Variants in NAALADL2 observed in about 807,000 individuals in gnomAD.
The protein encoded by NAALADL2 is inactive N-acetylated-alpha-linked acidic dipeptidase-like protein 2.
NAALADL2 carries 76 observed loss-of-function variants against 87.2 expected under a neutral mutation model. The ratio of observed to expected loss-of-function variants is 0.87; its 90% CI spans 0.72 to 1.05. The LOEUF (loss-of-function observed/expected upper bound fraction) is 1.05. NAALADL2 is among the 50% of genes least tolerant of loss of function. The pLI, the probability that NAALADL2 is intolerant of heterozygous loss-of-function variation, is 0.00. For synonymous variants in NAALADL2, 354 were observed against 331.0 expected, an observed-to-expected ratio of 1.07 and a Z score of -0.75; for missense variants, 1,089 against 945.8, an observed-to-expected ratio of 1.15 and a Z score of -1.99.
chr3:174,633,579 A>G (rs1251493469), intron 2 of NAALADL2, among the ~76,000 whole-genome samples: 2 of 152,204 alleles, frequency 1.3e-5, no homozygotes, highest in Non-Finnish European at 2.9e-5. Flanking sequence ...TTGTGCTTAA[A>G]CTGTCACTCT....
chr3:174,614,767 T>C (rs1578324062), intron 2 of NAALADL2, among the ~76,000 whole-genome samples: 1 of 152,204 alleles, frequency 6.6e-6, no homozygotes, highest in Non-Finnish European at 1.5e-5. Flanking sequence ...GGTGAAGCCT[T>C]CCATTTTGCC....
chr3:175,568,016 C>G (rs971747578), intron 9 of NAALADL2, among the ~76,000 whole-genome samples: 3 of 151,804 alleles, frequency 2.0e-5, no homozygotes, highest in African/African-American at 7.2e-5. Flanking sequence ...GCGCCCGGCC[C>G]CAAAAATTTC....
At chr3:175,767,812 C>A (rs1391425786) in intron 13 of NAALADL2, among the ~76,000 whole-genome samples, 1 of 152,138 alleles carries the variant, frequency 6.6e-6, no homozygotes, top group East Asian at 1.9e-4. Context: ...AGGCAGGCAA[C>A]TTCCAGCAGC....
chr3:175,391,076 A>G (rs760265201), intron 5 of NAALADL2, among the ~76,000 whole-genome samples: 26 of 152,224 alleles, frequency 1.7e-4, no homozygotes, highest in Non-Finnish European at 2.9e-4. Context: ...TAGTAGAGTC[A>G]TAAGGATTAT....
chr3:175,049,687 G>A (rs1276207028), intron 1 of NAALADL2, among the ~76,000 whole-genome samples: 2 of 152,110 alleles, frequency 1.3e-5, no homozygotes, highest in African/African-American at 4.8e-5. Flanking sequence ...TAAAAAAGGG[G>A]ATTGATCCCT....
intron 2 of NAALADL2, among the ~76,000 whole-genome samples, chr3:175,167,498 C>T (rs1234954598): frequency 4.6e-5 from 7 of 152,116 alleles, no homozygotes; most frequent in Admixed American, 2.0e-4. Context: ...GTTTCTTAAG[C>T]GTGTGCAGGA....
In NAALADL2 at chr3:175,055,265, C is replaced by T. The variant is rs1559966695; in HGVS notation, c.44-41525C>T. Among the ~76,000 whole-genome samples the T allele has an allele frequency of 2.0e-5, 3 of 152,200 alleles. No individual in the cohort carries two copies. The South Asian group carries it at 6.2e-4, about 31-fold the overall frequency. On this transcript the variant is annotated intron_variant, in intron 1 of 13. Coordinates refer to ENST00000454872, the MANE Select transcript of NAALADL2 (RefSeq NM_207015.3). Reference sequence around the variant, plus strand: ...ATCAGGAGCTGTGCTATACGCTCTCCTGGCCCTGCTTTCCAGGGAACAGAA... The same window carrying T: ...ATCAGGAGCTGTGCTATACGCTCTCTTGGCCCTGCTTTCCAGGGAACAGAA...
intron 11 of NAALADL2, among the ~76,000 whole-genome samples, chr3:175,630,891 G>A (rs1199934033): frequency 6.6e-6 from 1 of 151,398 alleles, no homozygotes; most frequent in Non-Finnish European, 1.5e-5. Flanking sequence ...TTATGAAGCA[G>A]AATTATTACT....
At chr3:174,515,799 C>A (rs1270328323) in intron 1 of NAALADL2, among the ~76,000 whole-genome samples, 2 of 151,758 alleles carry the variant, frequency 1.3e-5, no homozygotes, top group African/African-American at 2.4e-5. Context: ...TCAAGGTTAT[C>A]TCAGGCCAGT....
At chr3:174,483,291 C>A (rs993535537) in intron 1 of NAALADL2, among the ~76,000 whole-genome samples, 1 of 152,038 alleles carries the variant, frequency 6.6e-6, no homozygotes, top group Non-Finnish European at 1.5e-5. Flanking sequence ...AGGAAACTTA[C>A]AATCATGGTG....
intron 12 of NAALADL2, among the ~76,000 whole-genome samples, chr3:175,753,812 A>G (rs538139392): frequency 6.6e-6 from 1 of 152,228 alleles, no homozygotes; most frequent in South Asian, 2.1e-4. Context: ...TTTGCCCAGG[A>G]CTTCTCATAG....
At chr3:175,049,557 T>C (rs1317932048) in intron 1 of NAALADL2, among the ~76,000 whole-genome samples, 1 of 152,190 alleles carries the variant, frequency 6.6e-6, no homozygotes, top group Non-Finnish European at 1.5e-5. Context: ...ATCCCCTCTA[T>C]TTGAGACTGT....
intron 11 of NAALADL2, chr3:175,718,698 G>GGAAGATCACTTGAGGCGT (rs780766937): frequency 4.7e-6 from 7 of 1,499,356 alleles, no homozygotes; most frequent in Non-Finnish European, 4.6e-6. Context: ...TTATAGAGAT[G>GGAAGATCACTTGAGGCGT]GAAGATCACT....
At chr3:175,769,945 T>C (rs1457692720) in intron 13 of NAALADL2, among the ~76,000 whole-genome samples, 1 of 151,152 alleles carries the variant, frequency 6.6e-6, no homozygotes. Flanking sequence ...ATTAATAGTC[T>C]AAGGCAGATT....
intron 6 of NAALADL2, among the ~76,000 whole-genome samples, chr3:175,455,783 C>T (rs909939338): frequency 1.3e-5 from 2 of 152,094 alleles, no homozygotes; most frequent in Non-Finnish European, 2.9e-5. Flanking sequence ...CACAGCATCT[C>T]AATCATCAAA....
intron 2 of NAALADL2, among the ~76,000 whole-genome samples, chr3:174,714,723 T>C (rs1419678139): frequency 6.6e-6 from 1 of 152,162 alleles, no homozygotes; most frequent in African/African-American, 2.4e-5. Flanking sequence ...TTTCTAGATA[T>C]ACAATCATGT....
intron 2 of NAALADL2, among the ~76,000 whole-genome samples, chr3:174,623,543 A>G (rs1051847768): frequency 6.6e-6 from 1 of 151,516 alleles, no homozygotes; most frequent in Non-Finnish European, 1.5e-5. Flanking sequence ...GGCTATTTAG[A>G]AATATTTTTA....
chr3:175,073,484 C>T lies in NAALADL2; in HGVS notation c.44-23306C>T, dbSNP rs1055861224. Among the ~76,000 whole-genome samples, 5 of 151,996 alleles carry T rather than the reference C, an allele frequency of 3.3e-5. No homozygotes were observed. In the South Asian group the frequency reaches 8.3e-4, roughly 25 times the overall value. ...CAGTAGCTCCAAAGAGAGGTTACCA[C>T]GGTTACCTGGAACATCAGACAGGAG... On this transcript the variant is annotated intron_variant, in intron 1 of 13. Transcript: ENST00000454872.
At chr3:175,627,482 T>C (rs932509285) in intron 11 of NAALADL2, 96 bp downstream of exon 11, 25 of 740,086 alleles carry the variant, frequency 3.4e-5, no homozygotes, top group Non-Finnish European at 5.3e-5. Context: ...GAGCAATCCG[T>C]ATATTTTCAT....
Sources: gnomAD v4.1 joint callset for allele counts (sites outside exome capture counted in the v4.1 genomes callset) on GRCh38, gnomAD v4.1.1 for gene constraint, MANE v1.5 for transcripts, NCBI Gene and HGNC (gene_info 2026-07-23, HGNC 2026-07-21) for gene names.